Variants in GABRA2 observed in about 807,000 individuals in gnomAD.
The protein encoded by GABRA2 is gamma-aminobutyric acid type A receptor subunit alpha2, also known as gamma-aminobutyric acid receptor subunit alpha-2.
A neutral mutation model predicts 48.7 loss-of-function variants in GABRA2; 16 were observed. The observed-to-expected ratio is 0.33, with a 90% CI of 0.22 to 0.50. The LOEUF (loss-of-function observed/expected upper bound fraction) is 0.50. GABRA2 is among the 20% of genes least tolerant of loss of function. The pLI is 0.98. For synonymous variants in GABRA2, 185 were observed against 184.5 expected, an observed-to-expected ratio of 1.00 and a Z score of -0.02; for missense variants, 275 against 535.6, an observed-to-expected ratio of 0.51 and a Z score of 4.80.
chr4:46,369,699 A>G (rs1714593370), intron 3 of GABRA2, among the ~76,000 whole-genome samples: 1 of 152,094 alleles, frequency 6.6e-6, no homozygotes, highest in South Asian at 2.1e-4. Flanking sequence ...TACACATAGT[A>G]TTGGGGATAA....
At chr4:46,284,748 T>C (rs774478070) in intron 8 of GABRA2, among the ~76,000 whole-genome samples, 1 of 152,032 alleles carries the variant, frequency 6.6e-6, no homozygotes, top group Non-Finnish European at 1.5e-5. Context: ...ACCTCAGAGG[T>C]TGAAAAATTT....
chr4:46,377,017 G>T (rs1031538494), intron 3 of GABRA2, among the ~76,000 whole-genome samples: 1 of 152,146 alleles, frequency 6.6e-6, no homozygotes, highest in African/African-American at 2.4e-5. Flanking sequence ...GATTGCAGAC[G>T]GAGTCTCATT....
At chr4:46,334,165 A>G (rs1335267987) in intron 3 of GABRA2, among the ~76,000 whole-genome samples, 1 of 152,138 alleles carries the variant, frequency 6.6e-6, no homozygotes, top group African/African-American at 2.4e-5. Context: ...CTGTGTATAC[A>G]AAGTACCATA....
At position 46,246,730 on chromosome 4, in the gene GABRA2, C is replaced by T. The variant is rs1269524227; in HGVS notation, c.*3578G>A. On this transcript the variant is annotated 3_prime_UTR_variant, in exon 10 of 10. Coordinates refer to ENST00000381620, the MANE Select transcript of GABRA2 (RefSeq NM_000807.4). ...CTGTTTAGTAAATCTATTAACATAA[C>T]CTCATATTTCCAAGTAAATAATAAA... Among the ~76,000 whole-genome samples the T allele has an allele frequency of 1.3e-5, 2 of 151,186 alleles. No individual in the cohort carries two copies. Among genetic ancestry groups the T allele is most frequent in the Non-Finnish European group, 3.0e-5 (2 of 67,444 alleles).
chr4:46,291,832 A>G (rs2109540657), intron 8 of GABRA2, among the ~76,000 whole-genome samples: 1 of 150,138 alleles, frequency 6.7e-6, no homozygotes, highest in South Asian at 2.1e-4. Flanking sequence ...ATCTCCTATT[A>G]GTTCTGTCCC....
intron 8 of GABRA2, among the ~76,000 whole-genome samples, chr4:46,282,781 T>C (rs1721776913): frequency 6.6e-6 from 1 of 152,214 alleles, no homozygotes. Flanking sequence ...ATAATAATAA[T>C]AGCAAATACT....
intron 5 of GABRA2, among the ~76,000 whole-genome samples, chr4:46,311,591 CTATT>C (rs1458156131): frequency 1.3e-5 from 2 of 152,050 alleles, no homozygotes; most frequent in African/African-American, 4.8e-5. Context: ...GGATCAACAA[CTATT>C]TATTCTGCAA....
intron 9 of GABRA2, chr4:46,261,691 C>A: frequency 1.7e-6 from 1 of 596,306 alleles, no homozygotes; most frequent in Non-Finnish European, 3.0e-6. Context: ...AAACACTTAG[C>A]ACAGTGCCTG....
At position 46,385,078 on chromosome 4, in the gene GABRA2, C is replaced by CATATAT. The variant is rs36113226; in HGVS notation, c.187+990_187+995dup. Among the ~76,000 whole-genome samples the CATATAT allele has an allele frequency of 3.6e-3, 514 of 143,526 alleles. 1 individual carries two copies. Among genetic ancestry groups the CATATAT allele is most frequent in the South Asian group, 7.0e-3 (31 of 4,432 alleles). 94.2% of individuals were successfully genotyped at this position (143,526 alleles called of 152,430 possible). ...CAACCCAAACCATACAATTGCCTAA[C>CATATAT]ATATATATATATATATATATATATA... On this transcript the variant is annotated intron_variant, in intron 3 of 9. Coordinates refer to ENST00000381620, the MANE Select transcript of GABRA2 (RefSeq NM_000807.4).
chr4:46,307,803 T>C (rs1458376349), intron 6 of GABRA2, among the ~76,000 whole-genome samples: 1 of 152,198 alleles, frequency 6.6e-6, no homozygotes, highest in Non-Finnish European at 1.5e-5. Flanking sequence ...CTTCATTATT[T>C]AGATAAGAAT....
intron 6 of GABRA2, among the ~76,000 whole-genome samples, 194 bp from the exon 7 acceptor site, chr4:46,305,905 T>A (rs562898178): frequency 9.9e-5 from 15 of 152,190 alleles, no homozygotes; most frequent in Non-Finnish European, 2.1e-4. Flanking sequence ...AAAGAGATGA[T>A]CATGACCATG....
At chr4:46,339,299 A>T (rs976148222) in intron 3 of GABRA2, among the ~76,000 whole-genome samples, 4 of 151,880 alleles carry the variant, frequency 2.6e-5, no homozygotes, top group African/African-American at 4.8e-5. Context: ...CTATGTTACT[A>T]TACTGGATAG....
chr4:46,256,151 T>C (rs1428408636), intron 9 of GABRA2: 3 of 531,722 alleles, frequency 5.6e-6, no homozygotes, highest in Non-Finnish European at 1.0e-5. Flanking sequence ...AATGCTATTG[T>C]TAACTGTCTA....
At chr4:46,325,715 C>T (rs1028346083) in intron 4 of GABRA2, among the ~76,000 whole-genome samples, 3 of 151,964 alleles carry the variant, frequency 2.0e-5, no homozygotes, top group South Asian at 2.1e-4. Flanking sequence ...TGGGGTCTCA[C>T]ATTTAAGTCT....
intron 9 of GABRA2, among the ~76,000 whole-genome samples, chr4:46,257,461 T>C (rs1246656611): frequency 6.6e-6 from 1 of 151,624 alleles, no homozygotes; most frequent in Non-Finnish European, 1.5e-5. Context: ...ATCCTGGATT[T>C]CACTACCTAT....
chr4:46,251,324 A>G (rs976006134), intron 9 of GABRA2, among the ~76,000 whole-genome samples: 1 of 151,544 alleles, frequency 6.6e-6, no homozygotes, highest in South Asian at 2.1e-4. Flanking sequence ...TTTAAGACAT[A>G]AATTGGATCA....
Position 46,389,984 on chromosome 4 carries a change from G to A in GABRA2, c.-260C>T. 1.0e-6 allele frequency: 1 copy of A among 986,868 alleles called. No homozygotes were observed. Among genetic ancestry groups the A allele is most frequent in the South Asian group, 4.5e-5 (1 of 22,026 alleles). 61.1% of individuals were successfully genotyped at this position (986,868 alleles called of 1,614,324 possible). A position where few individuals can be genotyped will look rare whatever the true frequency, so the allele number is the denominator to read the frequency against. On this transcript the variant is annotated 5_prime_UTR_variant, in exon 1 of 10. Transcript: ENST00000381620. ...AGGCGAAGGCGTTCGTAGTGGCGGT[G>A]ATGGGCGGAGGAGGAGGAAGAGGAG...
intron 8 of GABRA2, among the ~76,000 whole-genome samples, chr4:46,268,533 A>G (rs1718692851): frequency 6.6e-6 from 1 of 151,968 alleles, no homozygotes; most frequent in East Asian, 1.9e-4. Flanking sequence ...TCAAAGGAAC[A>G]AAAGAGAACA....
chr4:46,309,901 C>T (rs1253042992), intron 6 of GABRA2, among the ~76,000 whole-genome samples: 2 of 152,022 alleles, frequency 1.3e-5, no homozygotes, highest in East Asian at 3.9e-4. Flanking sequence ...AAATTACAGT[C>T]CTAACCTCCA....
Sources: gnomAD v4.1 joint callset for allele counts (sites outside exome capture counted in the v4.1 genomes callset) on GRCh38, gnomAD v4.1.1 for gene constraint, MANE v1.5 for transcripts, NCBI Gene and HGNC (gene_info 2026-07-23, HGNC 2026-07-21) for gene names.